FBXW8: variants seen among roughly 807,000 people sequenced by gnomAD.
The protein encoded by FBXW8 is F-box and WD repeat domain containing 8.
A neutral mutation model predicts 65.3 loss-of-function variants in FBXW8; 57 were observed. The observed-to-expected ratio is 0.87, with a 90% CI of 0.71 to 1.09. FBXW8 has a LOEUF of 1.09. FBXW8 is among the 50% of genes least tolerant of loss of function. The pLI is 0.00. For missense variants in FBXW8, 777 were observed against 814.8 expected (o/e 0.95, Z 0.57); for synonymous variants, 308 against 330.2 (o/e 0.93, Z 0.73).
intron 1 of FBXW8, among the ~76,000 whole-genome samples, chr12:116,926,073 G>C (rs1404056184): frequency 6.6e-6 from 1 of 152,196 alleles, no homozygotes; most frequent in Non-Finnish European, 1.5e-5. Context: ...AAGACAGAAG[G>C]CTCCTGTTAC....
At chr12:117,018,063 C>G (rs914220646) in intron 8 of FBXW8, among the ~76,000 whole-genome samples, 2 of 152,146 alleles carry the variant, frequency 1.3e-5, no homozygotes, top group African/African-American at 4.8e-5. Flanking sequence ...CCAACCAGAG[C>G]GTGCCTCCCT....
rs1881510558 is a variant in FBXW8, at chr12:116,928,493, T to G, written c.423+366T>G. On this transcript the variant is annotated intron_variant, in intron 2 of 10. Transcript: ENST00000652555. ...GAGCCCTTGGTTAAATCGAGCCTGT[T>G]ATTAGGTTGGTAGCTGAGGGGGTCA... Among the ~76,000 whole-genome samples the G allele has an allele frequency of 1.3e-5, 2 of 152,188 alleles. 1 individual carries two copies. Among genetic ancestry groups the G allele is most frequent in the African/African-American group, 4.8e-5 (2 of 41,446 alleles).
chr12:116,913,162 A>T (rs983834701), intron 1 of FBXW8, among the ~76,000 whole-genome samples: 1 of 150,976 alleles, frequency 6.6e-6, no homozygotes, highest in Non-Finnish European at 1.5e-5. Flanking sequence ...CTGAAATCTG[A>T]TGACTGGTAT....
intron 4 of FBXW8, among the ~76,000 whole-genome samples, chr12:116,953,613 A>G (rs1883425894): frequency 6.6e-6 from 1 of 151,062 alleles, no homozygotes; most frequent in Non-Finnish European, 1.5e-5. Context: ...CCACTAAAAA[A>G]TACAAAAAAA....
In FBXW8 at chr12:117,028,923, C is replaced by T. The variant is rs1006183553; in HGVS notation, c.*751C>T. On this transcript the variant is annotated 3_prime_UTR_variant, in exon 11 of 11. Coordinates refer to ENST00000652555, the MANE Select transcript of FBXW8 (RefSeq NM_153348.3). This position sits in a 1 kb window ranked among gnomAD's most constrained non-coding sequence, Gnocchi z 4.1. Reference sequence around the variant, plus strand: ...ATTTCCAAAGTATTCTGGAAGCAAGCCATTGCCTTACTCTTGATTTTCAAC... The same window carrying T: ...ATTTCCAAAGTATTCTGGAAGCAAGTCATTGCCTTACTCTTGATTTTCAAC... 4 of 152,196 alleles carry T rather than the reference C, an allele frequency of 2.6e-5. No homozygotes were observed. The highest frequency in any genetic ancestry group is 9.7e-5 in the African/African-American group (4 of 41,436). 9.4% of individuals were successfully genotyped at this position (152,196 alleles called of 1,614,324 possible). A position where few individuals can be genotyped will look rare whatever the true frequency, so the allele number is the denominator to read the frequency against.
At chr12:116,918,826 C>G (rs1226067463) in intron 1 of FBXW8, among the ~76,000 whole-genome samples, 1 of 152,156 alleles carries the variant, frequency 6.6e-6, no homozygotes, top group African/African-American at 2.4e-5. Context: ...AGAGCAATAA[C>G]TGATATCCAT....
At chr12:116,915,568 A>C (rs1422565191) in intron 1 of FBXW8, among the ~76,000 whole-genome samples, 2 of 146,300 alleles carry the variant, frequency 1.4e-5, no homozygotes, top group Non-Finnish European at 3.0e-5. Context: ...CACTCACCTG[A>C]CTTCTCTTCC....
rs117051452 is a variant in FBXW8 at position 116,920,109 on chromosome 12, C to A, written c.319-7914C>A. Among the ~76,000 whole-genome samples the A allele has an allele frequency of 3.1e-3, 476 of 152,346 alleles. 2 individuals carry two copies. Among genetic ancestry groups the A allele is most frequent in the Admixed American group, 5.7e-3 (87 of 15,302 alleles). On this transcript the variant is annotated intron_variant, in intron 1 of 10. Transcript: ENST00000652555. ...TTTTAAAGCTCAGCTTGAGTTCTGTCTCCTGTGTTAATTCTTCCGTGATTT... is the reference window on the plus strand; with the variant it reads ...TTTTAAAGCTCAGCTTGAGTTCTGTATCCTGTGTTAATTCTTCCGTGATTT...
intron 1 of FBXW8, among the ~76,000 whole-genome samples, chr12:116,921,602 A>G (rs1483892153): frequency 1.3e-5 from 2 of 151,742 alleles, no homozygotes; most frequent in Non-Finnish European, 2.9e-5. Flanking sequence ...TGCTAACAGC[A>G]CCTCCCTCCC....
intron 5 of FBXW8, chr12:116,977,864 C>T (rs1252498766): frequency 6.6e-6 from 1 of 152,216 alleles, no homozygotes; most frequent in Admixed American, 6.5e-5. Flanking sequence ...CTATTTGCCT[C>T]CTTTTCAGTC....
chr12:116,992,012 A>G (rs923343996), intron 7 of FBXW8, among the ~76,000 whole-genome samples: 2 of 152,210 alleles, frequency 1.3e-5, no homozygotes, highest in Non-Finnish European at 2.9e-5. Flanking sequence ...TTCATCCCAA[A>G]TACTGAGCTC....
At chr12:116,978,997 C>A (rs1216574599) in intron 5 of FBXW8, 1 of 152,050 alleles carries the variant, frequency 6.6e-6, no homozygotes, top group Non-Finnish European at 1.5e-5. Flanking sequence ...TGCACACAAA[C>A]AGAAGCAGCT....
intron 2 of FBXW8, among the ~76,000 whole-genome samples, chr12:116,933,231 A>T (rs1229545443): frequency 6.6e-6 from 1 of 152,244 alleles, no homozygotes; most frequent in African/African-American, 2.4e-5. Context: ...GAAGTCTTGG[A>T]ACAGGGTCTA....
intron 2 of FBXW8, among the ~76,000 whole-genome samples, chr12:116,930,152 T>C (rs2137313368): frequency 6.6e-6 from 1 of 152,348 alleles, no homozygotes; most frequent in Non-Finnish European, 1.5e-5. Context: ...AGAGATCACT[T>C]TGACAAACTG....
In FBXW8 at chr12:117,028,325, G is replaced by C; in HGVS notation, c.*153G>C. On this transcript the variant is annotated 3_prime_UTR_variant, in exon 11 of 11. Coordinates refer to ENST00000652555, the MANE Select transcript of FBXW8 (RefSeq NM_153348.3). The surrounding 1 kb of genome is among the most constrained non-coding windows in gnomAD (Gnocchi z 4.1). ...GACAGCACGCATCTCCCTGACCCCT[G>C]CACTTCCCCCAGCGCCTGGGGCAAG... 1 of 924,606 alleles carries C rather than the reference G, an allele frequency of 1.1e-6. No individual in the cohort carries two copies. Among genetic ancestry groups the C allele is most frequent in the Non-Finnish European group, 1.6e-6 (1 of 629,942 alleles). The allele number at this position is 924,606 out of a possible 1,614,324, so 57.3% of individuals were successfully genotyped here.
intron 2 of FBXW8, among the ~76,000 whole-genome samples, chr12:116,944,973 G>T (rs1282955203): frequency 6.6e-6 from 1 of 152,124 alleles, no homozygotes; most frequent in Non-Finnish European, 1.5e-5. Context: ...CTTCAATTCT[G>T]TAAGGTGGAA....
At chr12:116,970,535 G>T (rs992447228) in intron 5 of FBXW8, among the ~76,000 whole-genome samples, 1 of 152,214 alleles carries the variant, frequency 6.6e-6, no homozygotes, top group Non-Finnish European at 1.5e-5. Flanking sequence ...GCGGTGAACA[G>T]TAGGACCATG....
intron 5 of FBXW8, among the ~76,000 whole-genome samples, chr12:116,982,604 T>G (rs1175399016): frequency 6.8e-6 from 1 of 147,574 alleles, no homozygotes; most frequent in Non-Finnish European, 1.5e-5. Flanking sequence ...ATTTGACCAT[T>G]TAATTGATGG....
chr12:116,914,572 CAAAAAAAAAAAA>C (rs142680270), intron 1 of FBXW8, among the ~76,000 whole-genome samples: 2 of 83,790 alleles, frequency 2.4e-5, no homozygotes, highest in Non-Finnish European at 4.1e-5. Flanking sequence ...AACCCTGTCT[CAAAAAAAAAAAA>C]AAAAAAAAAG....
Sources: allele counts gnomAD v4.1 joint callset (sites outside exome capture counted in the v4.1 genomes callset), GRCh38; gene constraint gnomAD v4.1.1; non-coding constraint Gnocchi (gnomAD v3.1); transcripts MANE v1.5; gene names NCBI Gene and HGNC (gene_info 2026-07-23, HGNC 2026-07-21).